KLHL14: variants seen among roughly 807,000 people sequenced by gnomAD.
KLHL14 encodes kelch-like protein 14.
Under a neutral mutation model 64.3 loss-of-function variants are expected in KLHL14, and 22 were observed. That is an observed-to-expected ratio of 0.34 (90% CI 0.24 to 0.49). The LOEUF (loss-of-function observed/expected upper bound fraction) is 0.49, where lower values mean the gene tolerates loss of function less well. Ranked by LOEUF, KLHL14 falls within the 20% of genes least tolerant of loss-of-function variation. The probability of loss-of-function intolerance (pLI) is 0.99; values close to 1 mark genes in which losing one functional copy is unlikely to be tolerated. For missense variants in KLHL14, 661 were observed against 789.0 expected (o/e 0.84, Z 1.94); for synonymous variants, 322 against 333.4 (o/e 0.97, Z 0.37).
At chr18:32,747,231 T>G (rs979131612) in intron 2 of KLHL14, among the ~76,000 whole-genome samples, 1 of 152,224 alleles carries the variant, frequency 6.6e-6, no homozygotes, top group African/African-American at 2.4e-5. Context: ...TCCGGTTTCA[T>G]GGAAGACAGT....
chr18:32,736,397 A>G lies in KLHL14; in HGVS notation c.1069+5531T>C, dbSNP rs922191460. 1.3e-4 allele frequency among the ~76,000 whole-genome samples: 20 copies of G among 152,090 alleles called. 1 individual carries two copies. Among genetic ancestry groups the G allele is most frequent in the African/African-American group, 4.6e-4 (19 of 41,426 alleles). On this transcript the variant is annotated intron_variant, in intron 3 of 8. Transcript: ENST00000359358. ...AACATATTTAAAAAGTCCAAACACA[A>G]TTGTCTCTCCTTCTTTGTCCAAAGC...
intron 3 of KLHL14, among the ~76,000 whole-genome samples, chr18:32,704,480 TG>T (rs925947547): frequency 1.1e-4 from 17 of 152,116 alleles, no homozygotes; most frequent in Non-Finnish European, 2.1e-4. Context: ...CCCAGCACTT[TG>T]GGGGGCCGAG....
chr18:32,745,570 C>T (rs2050220189), intron 2 of KLHL14: 1 of 152,086 alleles, frequency 6.6e-6, no homozygotes, highest in African/African-American at 2.4e-5. Flanking sequence ...AATAAAGAAA[C>T]CTAATAGAGA....
chr18:32,701,293 C>T (rs1183171286), intron 3 of KLHL14, among the ~76,000 whole-genome samples: 1 of 152,070 alleles, frequency 6.6e-6, no homozygotes, highest in African/African-American at 2.4e-5. Context: ...AGAGGATGAA[C>T]AACACAGATA....
At chr18:32,730,294 G>A (rs1416688088) in intron 3 of KLHL14, among the ~76,000 whole-genome samples, 6 of 152,156 alleles carry the variant, frequency 3.9e-5, no homozygotes, top group African/African-American at 1.2e-4. Context: ...AGAAATCCGT[G>A]AGCTATGATC....
At chr18:32,701,321 A>G (rs2049965334) in intron 3 of KLHL14, among the ~76,000 whole-genome samples, 1 of 152,204 alleles carries the variant, frequency 6.6e-6, no homozygotes, top group Non-Finnish European at 1.5e-5. Flanking sequence ...AACAAATAGG[A>G]GCACAGCCAG....
intron 5 of KLHL14, among the ~76,000 whole-genome samples, chr18:32,686,811 T>A (rs934988438): frequency 2.6e-5 from 4 of 152,130 alleles, no homozygotes; most frequent in African/African-American, 9.7e-5. Flanking sequence ...TCATTGCAAG[T>A]ATAGTATTTT....
At chr18:32,717,913 C>A (rs2050054512) in intron 3 of KLHL14, among the ~76,000 whole-genome samples, 1 of 152,218 alleles carries the variant, frequency 6.6e-6, no homozygotes, top group African/African-American at 2.4e-5. Context: ...TTGGTTTCAT[C>A]TTTTGACCAA....
At chr18:32,713,358 C>T (rs2050029904) in intron 3 of KLHL14, among the ~76,000 whole-genome samples, 1 of 152,216 alleles carries the variant, frequency 6.6e-6, no homozygotes, top group Non-Finnish European at 1.5e-5. Context: ...CCACTGTCAA[C>T]TCTATCCTTC....
intron 3 of KLHL14, among the ~76,000 whole-genome samples, chr18:32,716,432 G>A (rs565434421): frequency 8.6e-6 from 1 of 115,946 alleles, no homozygotes; most frequent in Admixed American, 8.4e-5. Flanking sequence ...TTTTTTTTTT[G>A]AGGTGGAATT....
intron 2 of KLHL14, among the ~76,000 whole-genome samples, chr18:32,748,878 GAT>G (rs1196200429): frequency 6.6e-6 from 1 of 152,148 alleles, no homozygotes; most frequent in Non-Finnish European, 1.5e-5. Context: ...AGAATTAAAA[GAT>G]ATAATATATG....
At chr18:32,682,078 T>C (rs924432478) in intron 5 of KLHL14, among the ~76,000 whole-genome samples, 1 of 152,174 alleles carries the variant, frequency 6.6e-6, no homozygotes, top group African/African-American at 2.4e-5. Flanking sequence ...GGATAAAAGG[T>C]TTTTAAAAAT....
chr18:32,747,893 A>AT (rs1010234266), intron 2 of KLHL14, among the ~76,000 whole-genome samples: 3 of 152,114 alleles, frequency 2.0e-5, no homozygotes, highest in African/African-American at 7.2e-5. Flanking sequence ...ATGCGTGACT[A>AT]TTTTTTAACA....
intron 3 of KLHL14, among the ~76,000 whole-genome samples, chr18:32,717,024 T>C (rs1187342798): frequency 6.6e-6 from 1 of 152,156 alleles, no homozygotes; most frequent in Non-Finnish European, 1.5e-5. Flanking sequence ...TCTCTCCAAA[T>C]TGGAGGGCTT....
At chr18:32,760,281 A>G (rs1234170263) in intron 2 of KLHL14, among the ~76,000 whole-genome samples, 1 of 152,048 alleles carries the variant, frequency 6.6e-6, no homozygotes, top group African/African-American at 2.4e-5. Flanking sequence ...AAATCACTCT[A>G]TAGAAAATTT....
At chr18:32,695,357 G>A in intron 4 of KLHL14, 106 bp downstream of exon 4, 1 of 732,272 alleles carries the variant, frequency 1.4e-6, no homozygotes, top group Non-Finnish European at 2.4e-6. Context: ...TGTCCCCGTT[G>A]CACAGAAATG....
chr18:32,707,852 G>A (rs993007140), intron 3 of KLHL14, among the ~76,000 whole-genome samples: 7 of 152,190 alleles, frequency 4.6e-5, no homozygotes, highest in African/African-American at 1.7e-4. Flanking sequence ...AATCATAGCT[G>A]TAAGTATGGC....
intron 2 of KLHL14, among the ~76,000 whole-genome samples, chr18:32,758,840 A>G (rs2050297825): frequency 6.6e-6 from 1 of 152,186 alleles, no homozygotes; most frequent in South Asian, 2.1e-4. Context: ...AAAAAAACCC[A>G]CATATTGCAT....
intron 3 of KLHL14, among the ~76,000 whole-genome samples, chr18:32,714,893 T>G (rs544438790): frequency 6.6e-6 from 1 of 151,998 alleles, no homozygotes; most frequent in African/African-American, 2.4e-5. Context: ...GGTCCTTTTT[T>G]TTTTTTCTTT....
Sources: allele counts gnomAD v4.1 joint callset (sites outside exome capture counted in the v4.1 genomes callset), GRCh38; gene constraint gnomAD v4.1.1; transcripts MANE v1.5; gene names NCBI Gene and HGNC (gene_info 2026-07-23, HGNC 2026-07-21).